MAP3K2: variants seen among roughly 807,000 people sequenced by gnomAD.
The protein encoded by MAP3K2 is MAP/ERK kinase kinase 2.
In MAP3K2, 24 loss-of-function variants were observed where a neutral mutation model predicts 80.3. The ratio of observed to expected loss-of-function variants is 0.30; its 90% confidence interval spans 0.22 to 0.42. The LOEUF (loss-of-function observed/expected upper bound fraction) is 0.42, where lower values mean the gene tolerates loss of function less well. Ranked by LOEUF, MAP3K2 falls within the 10% of genes least tolerant of loss-of-function variation. The pLI is 1.00. For missense variants in MAP3K2, 608 were observed against 750.1 expected (o/e 0.81, Z 2.21); for synonymous variants, 244 against 253.7 (o/e 0.96, Z 0.36).
rs1430226044 is a variant in MAP3K2, at chr2:127,384,746, C to T, written c.-66+2706G>A. 5.3e-5 allele frequency among the ~76,000 whole-genome samples: 8 copies of T among 152,008 alleles called. No homozygotes were observed. In the South Asian group the frequency reaches 6.2e-4, roughly 12 times the overall value. ...TGCCACAGCTCACTGCAGCCCTGAC[C>T]TCCCCTCCCCGGCTCAAGCACTCTC... On this transcript the variant is annotated intron_variant, in intron 1 of 16. Coordinates refer to ENST00000682094, the MANE Select transcript of MAP3K2 (RefSeq NM_001371910.2).
At chr2:127,346,977 C>T (rs535752577) in intron 1 of MAP3K2, among the ~76,000 whole-genome samples, 6 of 151,632 alleles carry the variant, frequency 4.0e-5, no homozygotes, top group African/African-American at 1.5e-4. Context: ...CGCGACAGAG[C>T]GAGACTCTGT....
chr2:127,334,828 T>C (rs1686333502), intron 5 of MAP3K2, among the ~76,000 whole-genome samples: 1 of 150,848 alleles, frequency 6.6e-6, no homozygotes, highest in Admixed American at 6.6e-5. Flanking sequence ...TGGAGTGTAG[T>C]GACGCGGTAT....
At chr2:127,357,270 G>A (rs985703637) in intron 1 of MAP3K2, among the ~76,000 whole-genome samples, 1 of 152,182 alleles carries the variant, frequency 6.6e-6, no homozygotes, top group African/African-American at 2.4e-5. Flanking sequence ...CTGAAAAGCT[G>A]ATTGTAAAAT....
chr2:127,312,375 C>T (rs1411899823), intron 15 of MAP3K2, among the ~76,000 whole-genome samples: 2 of 152,136 alleles, frequency 1.3e-5, no homozygotes, highest in Non-Finnish European at 2.9e-5. Flanking sequence ...CTTCACGGGT[C>T]TAAATTGAAA....
intron 1 of MAP3K2, among the ~76,000 whole-genome samples, chr2:127,359,380 C>T (rs1260602760): frequency 6.6e-6 from 1 of 152,166 alleles, no homozygotes; most frequent in African/African-American, 2.4e-5. Context: ...AAAAAATAAA[C>T]TTCCCTCCTT....
chr2:127,353,177 G>A (rs1484965105), intron 1 of MAP3K2, among the ~76,000 whole-genome samples: 17 of 151,864 alleles, frequency 1.1e-4, no homozygotes, highest in Admixed American at 2.6e-4. Flanking sequence ...GGGATGTGAG[G>A]AGCCCCTCTG....
intron 1 of MAP3K2, among the ~76,000 whole-genome samples, chr2:127,376,106 T>C (rs1350763847): frequency 6.6e-6 from 1 of 152,114 alleles, no homozygotes; most frequent in African/African-American, 2.4e-5. Context: ...TGGGAAAAAC[T>C]GTAGGAAGAT....
At position 127,325,583 on chromosome 2, in the gene MAP3K2, G is replaced by T. The variant is rs1214737656; in HGVS notation, c.677+145C>A. The T allele has an allele frequency of 5.3e-6, 3 of 569,706 alleles. No homozygotes were observed. In the East Asian group the frequency reaches 8.7e-5, roughly 17 times the overall value. 35.3% of individuals were successfully genotyped at this position (569,706 alleles called of 1,614,324 possible). A position where few individuals can be genotyped will look rare whatever the true frequency, so the allele number is the denominator to read the frequency against. ...AATGCCTTTGGTCCTAGTTCCTCGG[G>T]GGTCAGAGGTGGGAGGACTGATGGA... On this transcript the variant is annotated intron_variant, in intron 9 of 16. Coordinates refer to ENST00000682094, the MANE Select transcript of MAP3K2 (RefSeq NM_001371910.2).
intron 1 of MAP3K2, among the ~76,000 whole-genome samples, chr2:127,345,015 C>T (rs1686572292): frequency 6.6e-6 from 1 of 152,120 alleles, no homozygotes; most frequent in South Asian, 2.1e-4. Context: ...CAGGTGCATG[C>T]TATCACACCC....
At chr2:127,365,235 G>C (rs775314886) in intron 1 of MAP3K2, among the ~76,000 whole-genome samples, 3 of 147,520 alleles carry the variant, frequency 2.0e-5, no homozygotes, top group Non-Finnish European at 4.5e-5. Context: ...AATCCCATAA[G>C]GTAGTTATCA....
At chr2:127,353,905 T>C (rs1256514390) in intron 1 of MAP3K2, among the ~76,000 whole-genome samples, 1 of 151,472 alleles carries the variant, frequency 6.6e-6, no homozygotes, top group Non-Finnish European at 1.5e-5. Flanking sequence ...CTAAGAAAAA[T>C]TCTTCTGCCT....
At chr2:127,363,385 C>A (rs1686921887) in intron 1 of MAP3K2, among the ~76,000 whole-genome samples, 1 of 152,132 alleles carries the variant, frequency 6.6e-6, no homozygotes, top group African/African-American at 2.4e-5. Flanking sequence ...AGAATTTATA[C>A]CTTAATACTT....
intron 15 of MAP3K2, among the ~76,000 whole-genome samples, chr2:127,313,051 G>A (rs958884280): frequency 1.3e-5 from 2 of 151,618 alleles, no homozygotes; most frequent in African/African-American, 2.4e-5. Context: ...TTCCTTCTAG[G>A]TCATACTTGA....
intron 1 of MAP3K2, among the ~76,000 whole-genome samples, chr2:127,366,996 G>A (rs370150909): frequency 6.9e-6 from 1 of 145,648 alleles, no homozygotes; most frequent in African/African-American, 2.5e-5. Context: ...TCAGCCTCCC[G>A]AGTAGCTGGG....
At chr2:127,324,397 TAC>T (rs1686089452) in intron 9 of MAP3K2, among the ~76,000 whole-genome samples, 156 bp from the exon 10 acceptor site, 1 of 152,230 alleles carries the variant, frequency 6.6e-6, no homozygotes, top group South Asian at 2.1e-4. Flanking sequence ...AAAGAAAAAC[TAC>T]ACTTACTTGG....
At chr2:127,356,291 A>C (rs1686797124) in intron 1 of MAP3K2, among the ~76,000 whole-genome samples, 1 of 152,170 alleles carries the variant, frequency 6.6e-6, no homozygotes, top group Non-Finnish European at 1.5e-5. Flanking sequence ...TGATCAGAAC[A>C]ATCTGATCAC....
At position 127,384,757 on chromosome 2, in the gene MAP3K2, G is replaced by C. The variant is rs760748954; in HGVS notation, c.-66+2695C>G. 8.9e-4 allele frequency among the ~76,000 whole-genome samples: 134 copies of C among 151,172 alleles called. 1 individual carries two copies. The highest frequency in any genetic ancestry group is 3.4e-3 in the Middle Eastern group (1 of 294). On this transcript the variant is annotated intron_variant, in intron 1 of 16. Transcript: ENST00000682094. ...ACTGCAGCCCTGACCTCCCCTCCCC[G>C]GCTCAAGCACTCTCCCTGCTTCAGC... is the stretch of plus-strand genomic sequence containing the variant.
Position 127,307,065 on chromosome 2 carries a change from TAAG to T in MAP3K2, c.*511_*513del, listed in dbSNP as rs1425564161. On this transcript the variant is annotated 3_prime_UTR_variant, in exon 17 of 17. Transcript: ENST00000682094. The surrounding 1 kb of genome is among the most constrained non-coding windows in gnomAD (Gnocchi z 5.4). ...GGTTAGGATCTAAAGAATACAGATA[TAAG>T]AAGAAACCTATATTCTTTAAGTTGA... 3 of 152,626 alleles carry T rather than the reference TAAG, an allele frequency of 2.0e-5. No homozygotes were observed. The highest frequency in any genetic ancestry group is 4.4e-5 in the Non-Finnish European group (3 of 68,082). 9.5% of individuals were successfully genotyped at this position (152,626 alleles called of 1,614,324 possible). A position where few individuals can be genotyped will look rare whatever the true frequency, so the allele number is the denominator to read the frequency against.
intron 2 of MAP3K2, among the ~76,000 whole-genome samples, chr2:127,341,573 C>T (rs1444619754): frequency 7.0e-6 from 1 of 142,520 alleles, no homozygotes; most frequent in African/African-American, 2.6e-5. Context: ...TGCTCTGTCG[C>T]CCAGGCTGGA....
Sources: allele counts gnomAD v4.1 joint callset (sites outside exome capture counted in the v4.1 genomes callset), GRCh38; gene constraint gnomAD v4.1.1; non-coding constraint Gnocchi (gnomAD v3.1); transcripts MANE v1.5; gene names NCBI Gene and HGNC (gene_info 2026-07-23, HGNC 2026-07-21).